ADAM10: variants seen among roughly 807,000 people sequenced by gnomAD.
ADAM10 encodes the protein disintegrin and metalloproteinase domain-containing protein 10.
In ADAM10, 17 loss-of-function variants were observed where a neutral mutation model predicts 90.1. The observed-to-expected ratio is 0.19, with a 90% confidence interval of 0.13 to 0.28. The LOEUF (loss-of-function observed/expected upper bound fraction) is 0.28. ADAM10 is among the 10% of genes least tolerant of loss of function. ADAM10 has a pLI of 1.00. For synonymous variants in ADAM10, 310 were observed against 298.6 expected (o/e 1.04, Z -0.40); for missense variants, 610 against 914.3 (o/e 0.67, Z 4.29).
intron 11 of ADAM10, among the ~76,000 whole-genome samples, chr15:58,619,915 T>A (rs1237669521): frequency 6.7e-6 from 1 of 148,752 alleles, no homozygotes; most frequent in African/African-American, 2.5e-5. Context: ...AAAAAAAAAA[T>A]TTAAAAAAAG....
chr15:58,639,624 C>A (rs745798199), intron 8 of ADAM10, among the ~76,000 whole-genome samples: 1 of 152,038 alleles, frequency 6.6e-6, no homozygotes, highest in Non-Finnish European at 1.5e-5. Flanking sequence ...AAGTACTGCA[C>A]TATTAATATG....
intron 5 of ADAM10, among the ~76,000 whole-genome samples, chr15:58,663,192 C>A (rs1240136234): frequency 6.6e-6 from 1 of 152,184 alleles, no homozygotes; most frequent in Non-Finnish European, 1.5e-5. Context: ...TTCAATCCAT[C>A]TAGACTTTTT....
chr15:58,618,568 T>A (rs558035533), intron 11 of ADAM10, among the ~76,000 whole-genome samples: 60 of 151,808 alleles, frequency 4.0e-4, no homozygotes, highest in African/African-American at 1.4e-3. Context: ...ATCAACAGAG[T>A]GAAGAGACGA....
chr15:58,694,833 C>T (rs1259718308), intron 2 of ADAM10, among the ~76,000 whole-genome samples: 11 of 151,086 alleles, frequency 7.3e-5, no homozygotes, highest in African/African-American at 2.7e-4. Flanking sequence ...ATATGTAATT[C>T]TGGAACAGTC....
At chr15:58,669,536 T>G (rs1272075127) in intron 4 of ADAM10, among the ~76,000 whole-genome samples, 1 of 152,180 alleles carries the variant, frequency 6.6e-6, no homozygotes, top group East Asian at 1.9e-4. Flanking sequence ...AAATTAAAAT[T>G]CTTTGGGTAT....
chr15:58,694,983 C>T (rs913858364), intron 2 of ADAM10, among the ~76,000 whole-genome samples: 20 of 152,166 alleles, frequency 1.3e-4, no homozygotes, highest in Admixed American at 1.1e-3. Flanking sequence ...TAAGTATATA[C>T]ATTTGCCAAA....
chr15:58,709,686 G>C (rs1296990600), intron 2 of ADAM10, among the ~76,000 whole-genome samples: 4 of 152,028 alleles, frequency 2.6e-5, no homozygotes, highest in African/African-American at 9.7e-5. Context: ...GTTGCAGTGA[G>C]ACAAGATTGC....
intron 2 of ADAM10, among the ~76,000 whole-genome samples, chr15:58,712,085 T>G (rs1898492353): frequency 6.6e-6 from 1 of 152,200 alleles, no homozygotes; most frequent in Admixed American, 6.5e-5. Flanking sequence ...ATTAATAACC[T>G]TTGTTAAATC....
intron 2 of ADAM10, among the ~76,000 whole-genome samples, chr15:58,694,714 G>C (rs936602203): frequency 6.6e-6 from 1 of 150,528 alleles, no homozygotes; most frequent in African/African-American, 2.5e-5. Context: ...AGAGAAAGAT[G>C]TATTCATATA....
chr15:58,666,694 C>T (rs547914474), intron 4 of ADAM10, among the ~76,000 whole-genome samples: 5 of 152,128 alleles, frequency 3.3e-5, no homozygotes, highest in South Asian at 4.2e-4. Context: ...TTATTTAGTA[C>T]ATTGTTACTT....
At chr15:58,635,294 G>GAAA (rs1427176623) in intron 8 of ADAM10, among the ~76,000 whole-genome samples, 2 of 103,720 alleles carry the variant, frequency 1.9e-5, no homozygotes, top group African/African-American at 3.7e-5. Flanking sequence ...AAAAAAAAAA[G>GAAA]AAAGAAAGAA....
intron 9 of ADAM10, among the ~76,000 whole-genome samples, chr15:58,628,898 TA>T (rs1486831634): frequency 2.0e-5 from 3 of 152,194 alleles, no homozygotes; most frequent in African/African-American, 7.2e-5. Context: ...ACTGTTAAAT[TA>T]AAAAATGTGT....
chr15:58,638,572 G>A (rs1469345826), intron 8 of ADAM10, among the ~76,000 whole-genome samples: 3 of 142,266 alleles, frequency 2.1e-5, no homozygotes, highest in Admixed American at 7.4e-5. Flanking sequence ...CGGAGATCGC[G>A]CCACTGCACT....
intron 14 of ADAM10, among the ~76,000 whole-genome samples, chr15:58,601,729 C>T (rs141552875): frequency 1.3e-5 from 2 of 152,262 alleles, no homozygotes; most frequent in African/African-American, 2.4e-5. Context: ...TATTTAGCCA[C>T]CATGTTTCTT....
Position 58,655,715 on chromosome 15 carries a change from A to ATAGTG in ADAM10, c.585+9381_585+9382insCACTA, listed in dbSNP as rs1566982375. Among the ~76,000 whole-genome samples the ATAGTG allele has an allele frequency of 1.5e-4, 10 of 65,142 alleles. No individual in the cohort carries two copies. The East Asian group carries it at 6.3e-3, about 41-fold the overall frequency. The allele number at this position is 65,142 out of a possible 152,430, so 42.7% of individuals were successfully genotyped here. A position where few individuals can be genotyped will look rare whatever the true frequency, so the allele number is the denominator to read the frequency against. ...TATATAGTATATATATATATAGTAT[A>ATAGTG]TATATATATATATATATATATATAT... On this transcript the variant is annotated intron_variant, in intron 5 of 15. Transcript: ENST00000260408.
chr15:58,667,478 C>G (rs1897104487), intron 4 of ADAM10, among the ~76,000 whole-genome samples: 1 of 152,100 alleles, frequency 6.6e-6, no homozygotes, highest in African/African-American at 2.4e-5. Flanking sequence ...CTGCAAACAT[C>G]CAAGGCCTTG....
chr15:58,599,452 A>G (rs1895051350), intron 15 of ADAM10, 146 bp downstream of exon 15: 1 of 1,009,466 alleles, frequency 9.9e-7, no homozygotes, highest in Non-Finnish European at 1.5e-6. Flanking sequence ...AAGCACACAA[A>G]TATCAACTAA....
chr15:58,654,493 C>T (rs1329980352), intron 5 of ADAM10, among the ~76,000 whole-genome samples: 1 of 152,162 alleles, frequency 6.6e-6, no homozygotes, highest in East Asian at 1.9e-4. Context: ...ATCCTCCTGC[C>T]TCAGCCTCCC....
chr15:58,667,487 T>C (rs1897104787), intron 4 of ADAM10, among the ~76,000 whole-genome samples: 2 of 152,168 alleles, frequency 1.3e-5, no homozygotes, highest in African/African-American at 4.8e-5. Context: ...TCCAAGGCCT[T>C]GGCTATGAGA....
Sources: allele counts gnomAD v4.1 joint callset (sites outside exome capture counted in the v4.1 genomes callset), GRCh38; gene constraint gnomAD v4.1.1; transcripts MANE v1.5; gene names NCBI Gene and HGNC (gene_info 2026-07-23, HGNC 2026-07-21).